TTLL11: variants seen among roughly 807,000 people sequenced by gnomAD.
The protein encoded by TTLL11 is tubulin tyrosine ligase like 11.
A neutral mutation model predicts 51.7 loss-of-function variants in TTLL11; 42 were observed. The observed-to-expected ratio is 0.81, with a 90% confidence interval of 0.64 to 1.05. The LOEUF is 1.05. Ranked by LOEUF, TTLL11 falls within the 50% of genes least tolerant of loss-of-function variation. The probability of loss-of-function intolerance (pLI) is 0.00; values close to 1 mark genes in which losing one functional copy is unlikely to be tolerated. For missense variants in TTLL11, 799 were observed against 940.4 expected, an observed-to-expected ratio of 0.85 and a Z score of 1.97; for synonymous variants, 381 against 383.5, an observed-to-expected ratio of 0.99 and a Z score of 0.08.
At chr9:121,979,262 G>A (rs1002349788) in intron 4 of TTLL11, among the ~76,000 whole-genome samples, 2 of 152,168 alleles carry the variant, frequency 1.3e-5, no homozygotes, top group African/African-American at 2.4e-5. Context: ...CTTGGAGGAG[G>A]AGCTTTCCCC....
intron 6 of TTLL11, among the ~76,000 whole-genome samples, chr9:121,873,831 CTTTTT>C (rs71508142): frequency 1.2e-4 from 9 of 77,392 alleles, no homozygotes; most frequent in Admixed American, 3.3e-4. Flanking sequence ...ATTAGCCTGA[CTTTTT>C]TTTTTTTTTT....
Position 121,817,016 on chromosome 9 carries a change from CAGCGCTCTCAGCCAT to C in TTLL11, c.*5556_*5570del, listed in dbSNP as rs1836432058. On this transcript the variant is annotated 3_prime_UTR_variant, in exon 9 of 9. Transcript: ENST00000321582. Reference sequence around the variant, plus strand: ...GAATGATCCCTCCGTGCGAGGAGGACAGCGCTCTCAGCCATGGGGAATGCCAGCTCCCTGCCGGGA... The same window carrying C: ...GAATGATCCCTCCGTGCGAGGAGGACGGGGAATGCCAGCTCCCTGCCGGGA... The C allele has an allele frequency of 6.6e-6, 1 of 152,176 alleles. No individual in the cohort carries two copies. Among genetic ancestry groups the C allele is most frequent in the African/African-American group, 2.4e-5 (1 of 41,414 alleles). 9.4% of individuals were successfully genotyped at this position (152,176 alleles called of 1,614,324 possible).
intron 8 of TTLL11, among the ~76,000 whole-genome samples, chr9:121,837,213 T>TC (rs1389524860): frequency 6.6e-6 from 1 of 151,786 alleles, no homozygotes; most frequent in Non-Finnish European, 1.5e-5. Flanking sequence ...TTTCTTCTTT[T>TC]TTTGATATTG....
At chr9:121,963,733 G>A (rs1027562074) in intron 6 of TTLL11, 11 of 152,154 alleles carry the variant, frequency 7.2e-5, no homozygotes, top group Non-Finnish European at 1.5e-5. Context: ...CCACAAATAA[G>A]GCTTTTGCTG....
chr9:121,985,472 TAA>T (rs1842918155), intron 4 of TTLL11, among the ~76,000 whole-genome samples: 1 of 147,386 alleles, frequency 6.8e-6, no homozygotes, highest in African/African-American at 2.6e-5. Flanking sequence ...AAGAATAAAG[TAA>T]GAGAGGGCTC....
chr9:121,917,446 C>T (rs890119585), intron 6 of TTLL11, among the ~76,000 whole-genome samples: 2 of 137,064 alleles, frequency 1.5e-5, no homozygotes, highest in African/African-American at 5.6e-5. Flanking sequence ...CTTTAGCCTG[C>T]CTGGGTGACA....
chr9:122,046,267 T>C (rs1462437846), intron 1 of TTLL11, among the ~76,000 whole-genome samples: 1 of 152,030 alleles, frequency 6.6e-6, no homozygotes, highest in Non-Finnish European at 1.5e-5. Context: ...TGTTTAAAAG[T>C]GTGTAGCACC....
chr9:121,877,258 C>A (rs1298633405), intron 6 of TTLL11, among the ~76,000 whole-genome samples: 1 of 152,178 alleles, frequency 6.6e-6, no homozygotes, highest in Non-Finnish European at 1.5e-5. Flanking sequence ...CTTAAATTAG[C>A]CCTGCAGCTA....
chr9:121,910,166 C>T (rs987096757), intron 6 of TTLL11, among the ~76,000 whole-genome samples: 1 of 152,188 alleles, frequency 6.6e-6, no homozygotes, highest in Non-Finnish European at 1.5e-5. Context: ...TGGTCTCCCT[C>T]GCTTTGCAGA....
chr9:121,849,864 C>A (rs1421287475), intron 8 of TTLL11, among the ~76,000 whole-genome samples: 1 of 151,958 alleles, frequency 6.6e-6, no homozygotes, highest in Non-Finnish European at 1.5e-5. Flanking sequence ...GAGATCAGTT[C>A]CAGGTAACCC....
intron 8 of TTLL11, among the ~76,000 whole-genome samples, chr9:121,851,978 G>A (rs975970287): frequency 4.6e-5 from 7 of 152,198 alleles, no homozygotes; most frequent in East Asian, 1.9e-4. Context: ...TTTGAGGGCC[G>A]GGACGGGGCT....
At chr9:121,926,160 C>T (rs974112349) in intron 6 of TTLL11, among the ~76,000 whole-genome samples, 1 of 152,124 alleles carries the variant, frequency 6.6e-6, no homozygotes, top group Non-Finnish European at 1.5e-5. Flanking sequence ...AGGAAGGAGC[C>T]GTGGTGTTTC....
intron 6 of TTLL11, among the ~76,000 whole-genome samples, chr9:121,968,918 G>A (rs1842483442): frequency 6.6e-6 from 1 of 151,802 alleles, no homozygotes; most frequent in Admixed American, 6.6e-5. Flanking sequence ...CACCCAGGCT[G>A]GAGGGTAGTG....
intron 6 of TTLL11, among the ~76,000 whole-genome samples, chr9:121,941,216 C>T (rs7873213): frequency 0.075 from 11,484 of 152,288 alleles, 639 homozygotes; most frequent in African/African-American, 0.16. Flanking sequence ...AGTCAATCCG[C>T]GTTCATCACC....
chr9:121,965,293 T>C (rs1263919379), intron 6 of TTLL11, among the ~76,000 whole-genome samples: 1 of 152,058 alleles, frequency 6.6e-6, no homozygotes, highest in Non-Finnish European at 1.5e-5. Flanking sequence ...TGACTTAGAG[T>C]TCTGCAGGCT....
intron 6 of TTLL11, among the ~76,000 whole-genome samples, chr9:121,895,370 T>G (rs1839425223): frequency 6.6e-6 from 1 of 151,056 alleles, no homozygotes; most frequent in East Asian, 2.0e-4. Context: ...GTGTATTGTG[T>G]GATGTGCGGT....
At chr9:121,897,641 C>CACACACACACACACACACACACACACGT (rs1564294374) in intron 6 of TTLL11, among the ~76,000 whole-genome samples, 1 of 53,598 alleles carries the variant, frequency 1.9e-5, no homozygotes, top group Non-Finnish European at 4.4e-5. Flanking sequence ...CACACACACA[C>CACACACACACACACACACACACACACGT]GCGCGCGCGA....
intron 8 of TTLL11, among the ~76,000 whole-genome samples, chr9:121,826,851 G>A (rs1236303676): frequency 6.6e-6 from 1 of 152,044 alleles, no homozygotes; most frequent in Non-Finnish European, 1.5e-5. Context: ...GGGCAGAGAT[G>A]TGCTGGGGGT....
chr9:121,834,914 G>A (rs188186930), intron 8 of TTLL11, among the ~76,000 whole-genome samples: 10 of 151,978 alleles, frequency 6.6e-5, no homozygotes, highest in Admixed American at 1.3e-4. Context: ...GGCCTGGAGC[G>A]CTATCACAAT....
Sources: gnomAD v4.1 joint callset for allele counts (sites outside exome capture counted in the v4.1 genomes callset) on GRCh38, gnomAD v4.1.1 for gene constraint, MANE v1.5 for transcripts, NCBI Gene and HGNC (gene_info 2026-07-23, HGNC 2026-07-21) for gene names.